The following MTG1 variants were observed in gnomAD, a reference collection of about 807,000 sequenced individuals.
MTG1 encodes mitochondrial ribosome associated GTPase 1.
MTG1 carries 30 observed loss-of-function variants against 39.5 expected under a neutral mutation model. That is an observed-to-expected ratio of 0.76 (90% confidence interval 0.57 to 1.03). The LOEUF (loss-of-function observed/expected upper bound fraction) is 1.03. MTG1 is among the 50% of genes least tolerant of loss of function. The probability of loss-of-function intolerance (pLI) is 0.00; values close to 1 mark genes in which losing one functional copy is unlikely to be tolerated. For missense variants in MTG1, 513 were observed against 447.4 expected (o/e 1.15, Z -1.32); for synonymous variants, 217 against 179.0 (o/e 1.21, Z -1.69).
intron 5 of MTG1, 128 bp from the exon 6 acceptor site, chr10:133,399,401 C>A: frequency 8.4e-7 from 1 of 1,188,498 alleles, no homozygotes; most frequent in Non-Finnish European, 1.2e-6. Context: ...GTGGGCAGAG[C>A]CTCGGCGTTA....
chr10:133,394,433 C>G, intron 1 of MTG1, 101 bp downstream of exon 1: 1 of 1,321,626 alleles, frequency 7.6e-7, no homozygotes, highest in Non-Finnish European at 9.8e-7. Context: ...CCCGGTCGTT[C>G]TGGGCTGGCC....
rs1343784379 is a variant in MTG1, at chr10:133,402,843, A to C, written c.752+70A>C. The C allele has an allele frequency of 8.5e-7, 1 of 1,176,186 alleles. No homozygotes were observed. Among genetic ancestry groups the C allele is most frequent in the Non-Finnish European group, 1.2e-6 (1 of 833,234 alleles). The allele number at this position is 1,176,186 out of a possible 1,614,324, so 72.9% of individuals were successfully genotyped here. ...CACCTCATTTAAAAAAAAAAAACAAACAAAAAAACCCCCAGCATTATAAAG... is the reference window on the plus strand; with the variant it reads ...CACCTCATTTAAAAAAAAAAAACAACCAAAAAAACCCCCAGCATTATAAAG... On this transcript the variant is annotated intron_variant, in intron 9 of 10. Coordinates refer to ENST00000317502, the MANE Select transcript of MTG1 (RefSeq NM_138384.4). The surrounding 1 kb of genome is among the most constrained non-coding windows in gnomAD (Gnocchi z 4.7).
At chr10:133,413,994 T>C (rs920537936) in intron 9 of MTG1, among the ~76,000 whole-genome samples, 1 of 148,270 alleles carries the variant, frequency 6.7e-6, no homozygotes, top group South Asian at 2.1e-4. Flanking sequence ...AGGACAATAG[T>C]GGAGGGAAGG....
chr10:133,401,741 C>T, intron 7 of MTG1, 151 bp downstream of exon 7: 1 of 766,118 alleles, frequency 1.3e-6, no homozygotes. Flanking sequence ...CAGGCACTGC[C>T]CCTGCCCTTA....
chr10:133,406,583 A>G (rs1311358411), intron 9 of MTG1, among the ~76,000 whole-genome samples: 1 of 151,702 alleles, frequency 6.6e-6, no homozygotes, highest in African/African-American at 2.4e-5. Flanking sequence ...TACAAAAAAA[A>G]TCTGGCCCAG....
At chr10:133,398,660 C>A (rs1371286832) in intron 4 of MTG1, 145 bp downstream of exon 4, 1 of 897,316 alleles carries the variant, frequency 1.1e-6, no homozygotes, top group Non-Finnish European at 1.7e-6. Flanking sequence ...CGGATGCGAT[C>A]TCCTGGGGCA....
intron 9 of MTG1, among the ~76,000 whole-genome samples, chr10:133,405,390 T>C (rs1176076788): frequency 1.3e-5 from 2 of 152,224 alleles, no homozygotes; most frequent in South Asian, 2.1e-4. Flanking sequence ...TTTATCTTCA[T>C]GCTGGAAACA....
chr10:133,400,191 CAA>C (rs925173690), intron 6 of MTG1, among the ~76,000 whole-genome samples: 1 of 137,840 alleles, frequency 7.3e-6, no homozygotes, highest in Non-Finnish European at 1.6e-5. Context: ...GACTCCGTCT[CAA>C]AAAAAAAAAG....
At chr10:133,404,392 A>T (rs1849938766) in intron 9 of MTG1, among the ~76,000 whole-genome samples, 1 of 152,096 alleles carries the variant, frequency 6.6e-6, no homozygotes. Context: ...CTCCCAAAGC[A>T]TTAGGATTAT....
intron 9 of MTG1, among the ~76,000 whole-genome samples, chr10:133,416,018 CGTGGGTGTCGGGCAG>C (rs1850125315): frequency 1.4e-5 from 1 of 69,830 alleles, no homozygotes; most frequent in Non-Finnish European, 2.8e-5. Flanking sequence ...GTGTCGGGCA[CGTGGGTGTCGGGCAG>C]GCGGGCGTCG....
At chr10:133,415,961 C>CGGGTGTCGGGCAGGT (rs1850120908) in intron 9 of MTG1, among the ~76,000 whole-genome samples, 2 of 141,946 alleles carry the variant, frequency 1.4e-5, no homozygotes, top group South Asian at 2.3e-4. Flanking sequence ...ATCAGGCACG[C>CGGGTGTCGGGCAGGT]GGGTGTCGGG....
chr10:133,418,152 T>C (rs199984000), intron 9 of MTG1, among the ~76,000 whole-genome samples: 383 of 152,334 alleles, frequency 2.5e-3, no homozygotes, highest in Non-Finnish European at 3.8e-3. Context: ...TACAAGCATG[T>C]GCCACCACAC....
rs748263974 is a variant in MTG1, at chr10:133,419,473, T to C, written c.753-7T>C. On this transcript the variant is annotated splice_region_variant and splice_polypyrimidine_tract_variant and intron_variant, in intron 9 of 10. Coordinates refer to ENST00000317502, the MANE Select transcript of MTG1 (RefSeq NM_138384.4). ...CCCCCTGGTGCTGACCTGCAGCCTA[T>C]GTGCAGGTACGTGCAGCACTACGGC... 11 of 1,585,810 alleles carry C rather than the reference T, an allele frequency of 6.9e-6. No individual in the cohort carries two copies. The African/African-American group carries it at 1.1e-4, about 16-fold the overall frequency.
chr10:133,419,912 T>C, intron 10 of MTG1, 114 bp from the exon 11 acceptor site: 3 of 1,280,970 alleles, frequency 2.3e-6, no homozygotes, highest in South Asian at 2.9e-5. Context: ...TCCCGTTCCC[T>C]GGGCTTCCCT....
intron 6 of MTG1, chr10:133,399,885 T>TA (rs1261512948): frequency 2.3e-6 from 1 of 433,286 alleles, no homozygotes; most frequent in African/African-American, 2.0e-5. Flanking sequence ...TAAACTTTGA[T>TA]ATTTGTTCAT....
Position 133,402,533 on chromosome 10 carries a change from C to A in MTG1, c.671-159C>A. 1.3e-6 allele frequency: 1 copy of A among 743,440 alleles called. No individual in the cohort carries two copies. Among genetic ancestry groups the A allele is most frequent in the Non-Finnish European group, 2.2e-6 (1 of 453,620 alleles). The allele number at this position is 743,440 out of a possible 1,614,324, so 46.1% of individuals were successfully genotyped here. A position where few individuals can be genotyped will look rare whatever the true frequency, so the allele number is the denominator to read the frequency against. On this transcript the variant is annotated intron_variant, in intron 8 of 10. Coordinates refer to ENST00000317502, the MANE Select transcript of MTG1 (RefSeq NM_138384.4). The surrounding 1 kb of genome is among the most constrained non-coding windows in gnomAD (Gnocchi z 4.7). ...CAGGCAGGAGTGGGGGCCGGGACCA[C>A]AGCCGAGTGCCGTCCTCTTGGTTAG... is the stretch of plus-strand genomic sequence containing the variant.
intron 1 of MTG1, chr10:133,394,657 G>A (rs1180781764): frequency 2.5e-6 from 3 of 1,184,448 alleles, no homozygotes; most frequent in Non-Finnish European, 3.1e-6. Flanking sequence ...TTAATCCCCC[G>A]AAGCCTCCGT....
chr10:133,415,038 C>T (rs892855085), intron 9 of MTG1, among the ~76,000 whole-genome samples: 25 of 152,192 alleles, frequency 1.6e-4, no homozygotes, highest in African/African-American at 5.1e-4. Context: ...TGGTGGCGCG[C>T]GCCTGCAATT....
intron 9 of MTG1, among the ~76,000 whole-genome samples, chr10:133,417,880 C>CA (rs1199469745): frequency 6.6e-6 from 1 of 152,220 alleles, no homozygotes; most frequent in African/African-American, 2.4e-5. Context: ...AAAGAGAATA[C>CA]AAACAAATGG....
Sources: gnomAD v4.1 joint callset for allele counts (sites outside exome capture counted in the v4.1 genomes callset) on GRCh38, gnomAD v4.1.1 for gene constraint, Gnocchi (gnomAD v3.1) non-coding constraint, MANE v1.5 for transcripts, NCBI Gene and HGNC (gene_info 2026-07-23, HGNC 2026-07-21) for gene names.